The following TACC1 variants were observed in gnomAD, a reference collection of about 807,000 sequenced individuals.
TACC1 encodes the protein transforming acidic coiled-coil-containing protein 1.
A neutral mutation model predicts 84.4 loss-of-function variants in TACC1; 48 were observed. The ratio of observed to expected loss-of-function variants is 0.57; its 90% CI spans 0.45 to 0.72. TACC1 has a LOEUF of 0.72. Ranked by LOEUF, TACC1 falls within the 30% of genes least tolerant of loss-of-function variation. TACC1 has a pLI of 0.00. For missense variants in TACC1, 920 were observed against 973.0 expected (o/e 0.95, Z 0.72); for synonymous variants, 372 against 376.3 (o/e 0.99, Z 0.13).
intron 9 of TACC1, 22 bp from the exon 10 acceptor site, chr8:38,842,265 C>A: frequency 6.2e-7 from 1 of 1,603,466 alleles, no homozygotes; most frequent in South Asian, 1.1e-5. Flanking sequence ...ATATGTCATT[C>A]CTTTTGACTT....
chr8:38,820,390 C>T lies in TACC1; in HGVS notation c.1146C>T (p.Ser382=). 1 of 1,614,148 alleles carries T rather than the reference C, an allele frequency of 6.2e-7. No homozygotes were observed. The highest frequency in any genetic ancestry group is 1.1e-5 in the South Asian group (1 of 91,064). Residue 382 remains serine (S), a synonymous_variant, in exon 3 of 13, where the codon TCC becomes TCT. Transcript: ENST00000317827. Reference sequence around the variant, plus strand: ...ACGGGCCTCTCTCCCAAACATCTTCCAAGCCAGATCCTAGTCAGTGGGAAA... The same window carrying T: ...ACGGGCCTCTCTCCCAAACATCTTCTAAGCCAGATCCTAGTCAGTGGGAAA... ...ARDGPLSQTS[S]KPDPSQWESP...
intron 3 of TACC1, among the ~76,000 whole-genome samples, chr8:38,747,733 AG>A (rs1808329000): frequency 6.6e-6 from 1 of 152,234 alleles, no homozygotes; most frequent in Non-Finnish European, 1.5e-5. Context: ...AGATTTTTAA[AG>A]GAGTGTAACT....
At chr8:38,769,090 T>G (rs1812880489) in intron 3 of TACC1, among the ~76,000 whole-genome samples, 1 of 145,696 alleles carries the variant, frequency 6.9e-6, no homozygotes, top group Non-Finnish European at 1.5e-5. Context: ...GACTGTGTGG[T>G]GTGTGTGTGT....
chr8:38,795,396 G>A (rs944633015), intron 2 of TACC1, among the ~76,000 whole-genome samples: 4 of 152,178 alleles, frequency 2.6e-5, no homozygotes, highest in African/African-American at 7.2e-5. Context: ...CCCAAGCATC[G>A]AATAAAGCAG....
chr8:38,749,336 C>T (rs1808613595), intron 3 of TACC1, among the ~76,000 whole-genome samples: 1 of 152,036 alleles, frequency 6.6e-6, no homozygotes, highest in African/African-American at 2.4e-5. Flanking sequence ...TTCTGACAAA[C>T]ATTTATGAAA....
intron 3 of TACC1, among the ~76,000 whole-genome samples, chr8:38,763,683 T>C (rs1563323511): frequency 6.6e-6 from 1 of 152,258 alleles, no homozygotes; most frequent in Non-Finnish European, 1.5e-5. Context: ...AATGGGGTTC[T>C]GCTATGTCTT....
At chr8:38,802,566 A>G (rs765503128) in intron 2 of TACC1, among the ~76,000 whole-genome samples, 6 of 152,286 alleles carry the variant, frequency 3.9e-5, no homozygotes, top group African/African-American at 9.6e-5. Flanking sequence ...CCTGGTGCCA[A>G]AAAGGTTGGG....
At chr8:38,770,948 C>T (rs1813490298) in intron 3 of TACC1, among the ~76,000 whole-genome samples, 1 of 152,128 alleles carries the variant, frequency 6.6e-6, no homozygotes, top group African/African-American at 2.4e-5. Context: ...CATATCCATT[C>T]CTGGCACCCA....
At chr8:38,833,629 C>G (rs905904813) in intron 6 of TACC1, among the ~76,000 whole-genome samples, 6 of 152,302 alleles carry the variant, frequency 3.9e-5, no homozygotes, top group African/African-American at 1.2e-4. Context: ...CCAGACCCCA[C>G]ATGTGTTAGC....
Position 38,820,461 on chromosome 8 carries a change from C to A in TACC1, c.1217C>A (p.Ser406Tyr). Residue 406 changes from serine to tyrosine, a missense_variant, in exon 3 of 13, where the codon TCC becomes TAC. By Grantham distance (144) the Ser-to-Tyr change is moderately radical. Coordinates refer to ENST00000317827, the MANE Select transcript of TACC1 (RefSeq NM_006283.3). ...GGGAGCCACTCTGTTCTGCAGAACT[C>A]CCCACCCCTCTCTTCTGAGGGCTCC... ...PFGSHSVLQN[S>Y]PPLSSEGSYH... The A allele has an allele frequency of 1.2e-6, 2 of 1,614,176 alleles. No individual in the cohort carries two copies. The highest frequency in any genetic ancestry group is 1.7e-6 in the Non-Finnish European group (2 of 1,180,030).
At chr8:38,783,106 C>CTATATATATATATATA (rs72048692), upstream of TACC1, among the ~76,000 whole-genome samples, 2 of 87,424 alleles carry the variant, frequency 2.3e-5, no homozygotes, top group Admixed American at 1.2e-4. Context: ...ATCTATCTAT[C>CTATATATATATATATA]TATATATATA....
At chr8:38,808,579 A>G (rs1254582055) in intron 2 of TACC1, among the ~76,000 whole-genome samples, 1 of 152,132 alleles carries the variant, frequency 6.6e-6, no homozygotes, top group African/African-American at 2.4e-5. Flanking sequence ...CACTTGGCTA[A>G]TTTACTTTTA....
At chr8:38,837,103 ATCT>A (rs1270797244) in intron 7 of TACC1, among the ~76,000 whole-genome samples, 4 of 135,030 alleles carry the variant, frequency 3.0e-5, no homozygotes, top group Non-Finnish European at 6.3e-5. Context: ...GCCCACCAAA[ATCT>A]TTTTTTTTTT....
intron 7 of TACC1, among the ~76,000 whole-genome samples, chr8:38,837,463 G>T (rs1333763247): frequency 6.6e-6 from 1 of 152,086 alleles, no homozygotes; most frequent in East Asian, 1.9e-4. Flanking sequence ...ATCTCACTCT[G>T]TCACCCAGGC....
rs1554496269 is a variant in TACC1, at chr8:38,755,753, A to AACGAC, written c.26+10260_26+10261insACGAC. On this transcript the variant is annotated intron_variant, in intron 3 of 14. Transcript: ENST00000518415. The stretch of plus-strand genomic sequence containing the variant: ...CAACAACAACAACAACAACAACAAC[A>AACGAC]GAGTGTTCCTGCCTTTAAAGAACTT... 7.6e-3 allele frequency among the ~76,000 whole-genome samples: 626 copies of AACGAC among 82,776 alleles called. 4 individuals carry two copies. Among genetic ancestry groups the AACGAC allele is most frequent in the African/African-American group, 0.032 (601 of 18,596 alleles). The allele number at this position is 82,776 out of a possible 152,430, so 54.3% of individuals were successfully genotyped here. A position where few individuals can be genotyped will look rare whatever the true frequency, so the allele number is the denominator to read the frequency against.
At chr8:38,822,245 TAA>T (rs139176772) in intron 3 of TACC1, among the ~76,000 whole-genome samples, 8 of 118,982 alleles carry the variant, frequency 6.7e-5, no homozygotes, top group Admixed American at 9.0e-5. Context: ...ACCCTGTCTT[TAA>T]AAAAAAAAAA....
intron 4 of TACC1, 35 bp downstream of exon 4, chr8:38,825,403 A>G: frequency 6.2e-7 from 1 of 1,612,930 alleles, no homozygotes; most frequent in Middle Eastern, 1.7e-4. Flanking sequence ...TGTCTCTGAG[A>G]CCAGGGGTCC....
intron 2 of TACC1, among the ~76,000 whole-genome samples, chr8:38,806,338 A>T (rs1822693885): frequency 6.6e-6 from 1 of 152,092 alleles, no homozygotes; most frequent in South Asian, 2.1e-4. Context: ...TTTATGGTCC[A>T]CTTGGGTTTT....
At position 38,851,884 on chromosome 8, in the gene TACC1, A is replaced by G. The variant is rs4577922; in HGVS notation, c.*3861A>G. 5,721 of 455,644 alleles carry G rather than the reference A, an allele frequency of 0.013. 266 individuals are homozygous for G. Among genetic ancestry groups the G allele is most frequent in the African/African-American group, 0.1 (5,198 of 50,144 alleles). The allele number at this position is 455,644 out of a possible 1,614,324, so 28.2% of individuals were successfully genotyped here. ...AAAGGTCTAAGAAGTCATCTCCTTC[A>G]AATACTTTAATAAAGAAGTATTTCG... On this transcript the variant is annotated 3_prime_UTR_variant, in exon 13 of 13. Transcript: ENST00000317827.
Sources: allele counts gnomAD v4.1 joint callset (sites outside exome capture counted in the v4.1 genomes callset), GRCh38; gene constraint gnomAD v4.1.1; transcripts MANE v1.5; gene names NCBI Gene and HGNC (gene_info 2026-07-23, HGNC 2026-07-21).